Variants in PSD3 observed in about 807,000 individuals in gnomAD.
The protein encoded by PSD3 is PH and SEC7 domain-containing protein 3.
Under a neutral mutation model 105.5 loss-of-function variants are expected in PSD3, and 49 were observed. The ratio of observed to expected loss-of-function variants is 0.46; its 90% CI spans 0.37 to 0.59. The LOEUF (loss-of-function observed/expected upper bound fraction) is 0.59. Among genes scored for constraint, PSD3 ranks in the 20% least tolerant of loss-of-function variants. The pLI is 0.00. For missense variants in PSD3, 1,561 were observed against 1,263.8 expected, an observed-to-expected ratio of 1.24 and a Z score of -3.57; for synonymous variants, 557 against 457.8, an observed-to-expected ratio of 1.22 and a Z score of -2.77.
At chr8:18,972,130 A>G (rs796400410) in intron 1 of PSD3, among the ~76,000 whole-genome samples, 1 of 152,254 alleles carries the variant, frequency 6.6e-6, no homozygotes, top group Admixed American at 6.5e-5. Flanking sequence ...CTATTTCCTC[A>G]ATCTATTTTC....
chr8:18,605,451 G>A (rs1804750952), intron 11 of PSD3, among the ~76,000 whole-genome samples: 1 of 152,070 alleles, frequency 6.6e-6, no homozygotes, highest in Admixed American at 6.5e-5. Flanking sequence ...TATCTTGGGA[G>A]TAACTAACTT....
intron 4 of PSD3, among the ~76,000 whole-genome samples, chr8:18,833,408 T>C (rs1445062524): frequency 6.6e-6 from 1 of 152,162 alleles, no homozygotes; most frequent in Non-Finnish European, 1.5e-5. Flanking sequence ...ACTTTCCCAA[T>C]AGGCCAGTAC....
At chr8:18,912,901 G>A (rs574735970) in intron 2 of PSD3, among the ~76,000 whole-genome samples, 1 of 152,054 alleles carries the variant, frequency 6.6e-6, no homozygotes, top group Admixed American at 6.6e-5. Flanking sequence ...TTACCATGCT[G>A]TCACAATGAC....
At chr8:18,763,265 T>G (rs571287022) in intron 9 of PSD3, among the ~76,000 whole-genome samples, 1 of 152,310 alleles carries the variant, frequency 6.6e-6, no homozygotes, top group South Asian at 2.1e-4. Flanking sequence ...CTATATATGA[T>G]TATGAGGAAA....
intron 9 of PSD3, among the ~76,000 whole-genome samples, chr8:18,740,165 G>A (rs1219043543): frequency 2.6e-5 from 4 of 152,128 alleles, no homozygotes; most frequent in Non-Finnish European, 4.4e-5. Flanking sequence ...TTGCTTTCCT[G>A]TCTTCTGTTC....
At chr8:18,891,334 CAATA>C (rs1225029247) in intron 2 of PSD3, among the ~76,000 whole-genome samples, 1 of 151,972 alleles carries the variant, frequency 6.6e-6, no homozygotes, top group East Asian at 1.9e-4. Context: ...TACATTAAAA[CAATA>C]AATAAATGCG....
chr8:18,761,121 C>T (rs115132404), intron 9 of PSD3, among the ~76,000 whole-genome samples: 12 of 152,188 alleles, frequency 7.9e-5, no homozygotes, highest in South Asian at 6.2e-4. Context: ...GCAAATCAAA[C>T]GTCAGGTTTA....
chr8:19,056,529 C>A (rs1399411335), intron 1 of PSD3, among the ~76,000 whole-genome samples: 1 of 152,222 alleles, frequency 6.6e-6, no homozygotes, highest in Non-Finnish European at 1.5e-5. Flanking sequence ...AAGTTGAAAT[C>A]ATATTAGCAA....
chr8:18,545,489 T>A (rs1001016771), intron 15 of PSD3, among the ~76,000 whole-genome samples: 1 of 151,814 alleles, frequency 6.6e-6, no homozygotes. Context: ...AAAAAAAAAA[T>A]TAGCCTCTGA....
intron 12 of PSD3, among the ~76,000 whole-genome samples, chr8:18,578,046 T>C (rs1457974037): frequency 1.3e-5 from 2 of 152,104 alleles, no homozygotes; most frequent in East Asian, 3.8e-4. Flanking sequence ...TTCATTGGTT[T>C]TACTTATTGT....
At position 18,544,171 on chromosome 8, in the gene PSD3, C is replaced by CAAAAAAAAAAAAAAAAAAAAAAAAA. The variant is rs201016537; in HGVS notation, c.2929-8238_2929-8214dup. 1.1e-4 allele frequency among the ~76,000 whole-genome samples: 12 copies of CAAAAAAAAAAAAAAAAAAAAAAAAA among 106,712 alleles called. No individual in the cohort carries two copies. In the South Asian group the frequency reaches 1.1e-3, roughly 10 times the overall value. The allele number at this position is 106,712 out of a possible 152,430, so 70.0% of individuals were successfully genotyped here. On this transcript the variant is annotated intron_variant, in intron 15 of 15. Transcript: ENST00000327040. ...TACAATGGAAAACAAAGAAACAAAC[C>CAAAAAAAAAAAAAAAAAAAAAAAAA]AAAAAAAAAAAAAAAAAAAAAAAAA...
chr8:18,748,128 C>T (rs915930405), intron 9 of PSD3, among the ~76,000 whole-genome samples: 1 of 152,052 alleles, frequency 6.6e-6, no homozygotes, highest in Admixed American at 6.6e-5. Flanking sequence ...GAAAAAAGGA[C>T]CAGCTGGCTG....
At chr8:18,579,605 TAAA>T (rs965104247) in intron 12 of PSD3, among the ~76,000 whole-genome samples, 1 of 152,120 alleles carries the variant, frequency 6.6e-6, no homozygotes, top group Non-Finnish European at 1.5e-5. Flanking sequence ...AAGCATGAAA[TAAA>T]AAGCTTTTTT....
At chr8:18,771,290 G>A (rs541982212) in intron 8 of PSD3, among the ~76,000 whole-genome samples, 4 of 152,302 alleles carry the variant, frequency 2.6e-5, no homozygotes, top group African/African-American at 9.6e-5. Context: ...CCTCACTGGG[G>A]ACCCATCCTC....
At chr8:18,825,345 G>A (rs1409673240) in intron 4 of PSD3, among the ~76,000 whole-genome samples, 1 of 152,190 alleles carries the variant, frequency 6.6e-6, no homozygotes, top group Non-Finnish European at 1.5e-5. Context: ...CACCTGGGAA[G>A]CTTGTTAAAA....
intron 9 of PSD3, among the ~76,000 whole-genome samples, chr8:18,745,971 C>T (rs1804978903): frequency 6.6e-6 from 1 of 152,130 alleles, no homozygotes; most frequent in Admixed American, 6.5e-5. Flanking sequence ...CAGACAAATG[C>T]CTAGACAGAC....
intron 1 of PSD3, among the ~76,000 whole-genome samples, chr8:19,038,840 G>C (rs1026418775): frequency 8.5e-5 from 13 of 152,246 alleles, no homozygotes; most frequent in African/African-American, 2.9e-4. Context: ...AATTAAAATA[G>C]GTTATCTCAT....
intron 1 of PSD3, among the ~76,000 whole-genome samples, chr8:19,063,813 C>T (rs151264173): frequency 6.6e-5 from 10 of 151,890 alleles, no homozygotes; most frequent in East Asian, 1.9e-4. Context: ...TCTTATAATC[C>T]GGCAATTTCC....
intron 9 of PSD3, among the ~76,000 whole-genome samples, chr8:18,693,056 G>A (rs1204759818): frequency 1.3e-5 from 2 of 152,096 alleles, no homozygotes; most frequent in African/African-American, 2.4e-5. Context: ...TGTGAAGGCC[G>A]GGCTACATAA....
Sources: allele counts gnomAD v4.1 joint callset (sites outside exome capture counted in the v4.1 genomes callset), GRCh38; gene constraint gnomAD v4.1.1; transcripts MANE v1.5; gene names NCBI Gene and HGNC (gene_info 2026-07-23, HGNC 2026-07-21).